The following CACNA2D3 variants were observed in gnomAD, a reference collection of about 807,000 sequenced individuals.
The protein encoded by CACNA2D3 is calcium voltage-gated channel auxiliary subunit alpha2delta 3.
In CACNA2D3, 60 loss-of-function variants were observed where a neutral mutation model predicts 160.6. The ratio of observed to expected loss-of-function variants is 0.37; its 90% CI spans 0.30 to 0.46. The LOEUF (loss-of-function observed/expected upper bound fraction) is 0.46, where lower values mean the gene tolerates loss of function less well. Among genes scored for constraint, CACNA2D3 ranks in the 20% least tolerant of loss-of-function variants. The pLI is 1.00. For synonymous variants in CACNA2D3, 558 were observed against 492.9 expected, an observed-to-expected ratio of 1.13 and a Z score of -1.75; for missense variants, 1,205 against 1,365.0, an observed-to-expected ratio of 0.88 and a Z score of 1.85.
chr3:54,320,493 C>A lies in CACNA2D3; in HGVS notation c.256C>A (p.Gln86Lys), dbSNP rs865898760. The A allele has an allele frequency of 6.4e-7, 1 of 1,569,494 alleles. No individual in the cohort carries two copies. Among genetic ancestry groups the A allele is most frequent in the Non-Finnish European group, 8.6e-7 (1 of 1,156,662 alleles). The stretch of plus-strand genomic sequence containing the variant: ...TGCCATAGAAGAAATTGATGGCCTC[C>A]AACTGGTAAAGAAGCTGGCAAAGAA... ...DVAIEEIDGL[Q>K]LVKKLAKNME... The change falls in exon 3 of 38, where the codon CAA (glutamine) becomes AAA (lysine). Residue 86 changes from glutamine to lysine, a missense_variant. This residue lies in a region of CACNA2D3 where 163 missense variants were observed against 161.3 expected (regional missense o/e 1.01). Coordinates refer to ENST00000474759, the MANE Select transcript of CACNA2D3 (RefSeq NM_018398.3).
intron 2 of CACNA2D3, among the ~76,000 whole-genome samples, chr3:54,211,767 G>A (rs1413086012): frequency 1.3e-5 from 2 of 152,088 alleles, no homozygotes; most frequent in South Asian, 2.1e-4. Context: ...ATGAATTAAT[G>A]CTTTGTGAAA....
intron 4 of CACNA2D3, among the ~76,000 whole-genome samples, chr3:54,465,415 C>G (rs1244861318): frequency 2.0e-5 from 3 of 152,102 alleles, no homozygotes; most frequent in African/African-American, 7.2e-5. Flanking sequence ...TTGTTAATCT[C>G]TTACTGTGCC....
At chr3:54,959,453 A>G (rs953816598) in intron 27 of CACNA2D3, among the ~76,000 whole-genome samples, 2 of 152,178 alleles carry the variant, frequency 1.3e-5, no homozygotes, top group African/African-American at 2.4e-5. Flanking sequence ...TTTTAGTGCT[A>G]TTTTATATTA....
At chr3:54,830,841 G>T (rs756184948) in intron 14 of CACNA2D3, among the ~76,000 whole-genome samples, 26 of 151,976 alleles carry the variant, frequency 1.7e-4, no homozygotes, top group Admixed American at 3.9e-4. Flanking sequence ...CCAGGACCTC[G>T]TGCCTGCAAT....
chr3:54,816,989 C>G (rs1426095977), intron 14 of CACNA2D3, 119 bp downstream of exon 14: 1 of 1,203,622 alleles, frequency 8.3e-7, no homozygotes, highest in Non-Finnish European at 1.2e-6. Context: ...TCCACAGCTT[C>G]AGAAACCTGA....
chr3:54,773,799 G>A (rs1473662272), intron 13 of CACNA2D3, among the ~76,000 whole-genome samples: 2 of 152,050 alleles, frequency 1.3e-5, no homozygotes, highest in Non-Finnish European at 2.9e-5. Context: ...AACAGAGTTG[G>A]TATTATAAAA....
intron 35 of CACNA2D3, among the ~76,000 whole-genome samples, chr3:55,060,368 T>C (rs886401890): frequency 1.3e-5 from 2 of 152,158 alleles, no homozygotes; most frequent in African/African-American, 4.8e-5. Flanking sequence ...ATGGTGATGA[T>C]AGTCACGATG....
intron 3 of CACNA2D3, among the ~76,000 whole-genome samples, chr3:54,382,186 A>T (rs1300657496): frequency 7.9e-5 from 12 of 152,210 alleles, no homozygotes; most frequent in Admixed American, 7.9e-4. Context: ...TATAAAAGAA[A>T]ATTAACATTA....
chr3:54,329,227 G>A (rs947310345), intron 3 of CACNA2D3, among the ~76,000 whole-genome samples: 3 of 151,990 alleles, frequency 2.0e-5, no homozygotes, highest in African/African-American at 7.3e-5. Context: ...TTGTTTAACT[G>A]TACTATTTCT....
At chr3:54,480,865 G>C (rs969072779) in intron 4 of CACNA2D3, among the ~76,000 whole-genome samples, 1 of 152,122 alleles carries the variant, frequency 6.6e-6, no homozygotes, top group Non-Finnish European at 1.5e-5. Context: ...GTGACAGATG[G>C]GGAAACAGAG....
At chr3:54,645,303 C>A (rs1174320297) in intron 11 of CACNA2D3, among the ~76,000 whole-genome samples, 1 of 152,200 alleles carries the variant, frequency 6.6e-6, no homozygotes, top group Non-Finnish European at 1.5e-5. Context: ...AATCACCTCC[C>A]ACCAGGTAGC....
chr3:54,911,609 A>G (rs1165649529), intron 27 of CACNA2D3, among the ~76,000 whole-genome samples: 1 of 151,998 alleles, frequency 6.6e-6, no homozygotes, highest in African/African-American at 2.4e-5. Context: ...ACCACTTCTC[A>G]GCACTTCCAC....
At chr3:54,925,768 A>G (rs1313108156) in intron 27 of CACNA2D3, among the ~76,000 whole-genome samples, 1 of 152,126 alleles carries the variant, frequency 6.6e-6, no homozygotes, top group Non-Finnish European at 1.5e-5. Context: ...CTGAATTTTT[A>G]TTTGTATTTC....
At chr3:54,443,827 G>A (rs1700180607) in intron 4 of CACNA2D3, among the ~76,000 whole-genome samples, 1 of 152,228 alleles carries the variant, frequency 6.6e-6, no homozygotes, top group Non-Finnish European at 1.5e-5. Flanking sequence ...ATCGGTCATA[G>A]ATCAAAGTGA....
chr3:54,655,878 T>C (rs911889532), intron 11 of CACNA2D3, among the ~76,000 whole-genome samples: 4 of 152,254 alleles, frequency 2.6e-5, no homozygotes, highest in African/African-American at 9.6e-5. Context: ...AGGCTCAGAC[T>C]ACCTGGGTGG....
intron 13 of CACNA2D3, among the ~76,000 whole-genome samples, chr3:54,792,372 T>C (rs538655316): frequency 2.6e-5 from 4 of 152,220 alleles, no homozygotes; most frequent in Non-Finnish European, 2.9e-5. Context: ...AGATAACTTA[T>C]AATATGTTGA....
intron 2 of CACNA2D3, among the ~76,000 whole-genome samples, chr3:54,311,776 G>T (rs575765481): frequency 6.6e-6 from 1 of 152,122 alleles, no homozygotes; most frequent in Non-Finnish European, 1.5e-5. Flanking sequence ...CCCCATCTCC[G>T]TGCAGCTTGG....
At chr3:54,316,116 G>C (rs1299516526) in intron 2 of CACNA2D3, among the ~76,000 whole-genome samples, 1 of 141,192 alleles carries the variant, frequency 7.1e-6, no homozygotes, top group Non-Finnish European at 1.6e-5. Context: ...TGAGATTAGT[G>C]ATTTAAAACA....
At chr3:54,598,796 C>T (rs1703008876) in intron 9 of CACNA2D3, among the ~76,000 whole-genome samples, 2 of 152,168 alleles carry the variant, frequency 1.3e-5, no homozygotes, top group Admixed American at 1.3e-4. Context: ...CACTTTGATT[C>T]ACGCTCGTGT....
Sources: allele counts gnomAD v4.1 joint callset (sites outside exome capture counted in the v4.1 genomes callset), GRCh38; gene constraint gnomAD v4.1.1; regional missense constraint gnomAD v4.1.1; transcripts MANE v1.5; gene names NCBI Gene and HGNC (gene_info 2026-07-23, HGNC 2026-07-21).